The following ESPL1 variants were observed in gnomAD, a reference collection of about 807,000 sequenced individuals.
The protein encoded by ESPL1 is separin.
ESPL1 carries 50 observed loss-of-function variants against 217.2 expected under a neutral mutation model. The ratio of observed to expected loss-of-function variants is 0.23; its 90% confidence interval spans 0.18 to 0.29. The LOEUF (loss-of-function observed/expected upper bound fraction) is 0.29. Ranked by LOEUF, ESPL1 falls within the 10% of genes least tolerant of loss-of-function variation. ESPL1 has a pLI of 1.00. For synonymous variants in ESPL1, 994 were observed against 1,081.3 expected (o/e 0.92, Z 1.58); for missense variants, 1,834 against 2,603.0 (o/e 0.70, Z 6.43).
chr12:53,270,710 G>A lies in ESPL1; in HGVS notation c.1281G>A (p.Val427=), dbSNP rs141048890. The A allele has an allele frequency of 1.2e-5, 19 of 1,613,974 alleles. No individual in the cohort carries two copies. Among genetic ancestry groups the A allele is most frequent in the Non-Finnish European group, 1.6e-5 (19 of 1,180,010 alleles). Residue 427 remains valine (V), a synonymous_variant, in exon 5 of 31, where the codon GTG becomes GTA. Coordinates refer to ENST00000257934, the MANE Select transcript of ESPL1 (RefSeq NM_012291.5). The part of the protein sequence containing the change: ...IVDLADLTQL[V]DSCKSTVVWM... The stretch of plus-strand genomic sequence containing the variant: ...ATTTGGCTGACCTGACCCAACTAGT[G>A]GACAGTTGTAAATCTACCGTTGTCT...
Position 53,277,314 on chromosome 12 carries a change from T to C in ESPL1, c.2085+87T>C, listed in dbSNP as rs193094831. 1.4e-4 allele frequency: 216 copies of C among 1,515,834 alleles called. No individual in the cohort carries two copies. The East Asian group carries it at 3.6e-3, about 25-fold the overall frequency. The allele number at this position is 1,515,834 out of a possible 1,614,324, so 93.9% of individuals were successfully genotyped here. ...CCAACAAGTTGGTATCAGCCCTTTT[T>C]TTTGTTCGTTATTTTTAGAGATGGG... On this transcript the variant is annotated intron_variant, in intron 9 of 30. Coordinates refer to ENST00000257934, the MANE Select transcript of ESPL1 (RefSeq NM_012291.5).
chr12:53,268,684 C>T, intron 1 of ESPL1, 71 bp from the exon 2 acceptor site: 1 of 898,884 alleles, frequency 1.1e-6, no homozygotes, highest in Non-Finnish European at 1.7e-6. Context: ...CCTTCCACGA[C>T]CTTCAGCCCT....
At chr12:53,272,011 C>A (rs561131911) in intron 5 of ESPL1, among the ~76,000 whole-genome samples, 2 of 150,342 alleles carry the variant, frequency 1.3e-5, no homozygotes, top group African/African-American at 2.5e-5. Context: ...GGTGTGAACC[C>A]GGGAGGTGGA....
Position 53,289,492 on chromosome 12 carries a change from G to A in ESPL1, c.5011G>A (p.Ala1671Thr). The A allele has an allele frequency of 6.2e-7, 1 of 1,614,152 alleles. No homozygotes were observed. The highest frequency in any genetic ancestry group is 1.1e-5 in the South Asian group (1 of 91,078). Residue 1671 changes from alanine to threonine, a missense_variant, in exon 22 of 31, where the codon GCC becomes ACC. Ala to Thr is a moderately conservative substitution (Grantham distance 58). This residue lies in a region of ESPL1 where 681 missense variants were observed against 808.0 expected (regional missense o/e 0.84). Transcript: ENST00000257934. Reference sequence around the variant, plus strand: ...GGAGATGCCTGGAGATGTCCCCCTGGCCCGCATCCAGCGCCTCTTTTCCTT... The same window carrying A: ...GGAGATGCCTGGAGATGTCCCCCTGACCCGCATCCAGCGCCTCTTTTCCTT... ...LQEMPGDVPL[A>T]RIQRLFSFRA...
Position 53,276,700 on chromosome 12 carries a change from C to T in ESPL1, c.1781C>T (p.Ala594Val), listed in dbSNP as rs753191986. Residue 594 changes from alanine (A) to valine (V), a missense_variant, in exon 8 of 31, where the codon GCG (alanine) becomes GTG (valine). Around this residue, in one of 5 missense-constraint regions of ESPL1, gnomAD observed 746 missense variants for 1,077.0 expected, o/e 0.69. Coordinates refer to ENST00000257934, the MANE Select transcript of ESPL1 (RefSeq NM_012291.5). ...AGGGAGGAGCTGCAGGCCTACAAGG[C>T]GGTGCGGGCCGACACTGGACAGGAA... is the stretch of plus-strand genomic sequence containing the variant. The part of the protein sequence containing the change: ...LLREELQAYK[A>V]VRADTGQERF... 17 of 1,613,082 alleles carry T rather than the reference C, an allele frequency of 1.1e-5. No homozygotes were observed. In the Admixed American group the frequency reaches 1.2e-4, roughly 11 times the overall value.
At chr12:53,272,596 G>T in intron 5 of ESPL1, 125 bp from the exon 6 acceptor site, 1 of 1,081,206 alleles carries the variant, frequency 9.2e-7, no homozygotes, top group Non-Finnish European at 1.3e-6. Context: ...CTAGCAGTAG[G>T]GGTTCCTGTC....
intron 24 of ESPL1, 137 bp from the exon 25 acceptor site, chr12:53,290,704 A>G (rs1337504836): frequency 4.1e-4 from 4 of 9,834 alleles, no homozygotes; most frequent in Admixed American, 1.9e-3. Context: ...AAACCCAACT[A>G]TCAGCTTCCC....
intron 17 of ESPL1, among the ~76,000 whole-genome samples, chr12:53,284,750 A>C (rs1018525922): frequency 1.3e-5 from 2 of 151,552 alleles, no homozygotes; most frequent in East Asian, 2.0e-4. Context: ...TCGGTGGCTC[A>C]TGCCTGTAAT....
intron 12 of ESPL1, among the ~76,000 whole-genome samples, chr12:53,281,294 CA>C (rs1427680372): frequency 2.0e-5 from 3 of 151,936 alleles, no homozygotes; most frequent in African/African-American, 7.2e-5. Context: ...CGTGCCACCA[CA>C]CCTGGCTAAT....
chr12:53,285,886 C>T (rs1290213198), intron 17 of ESPL1, 38 bp from the exon 18 acceptor site: 2 of 1,504,054 alleles, frequency 1.3e-6, no homozygotes, highest in South Asian at 2.7e-5. Context: ...GATGCCATTT[C>T]TCCCCGTTTT....
chr12:53,288,541 G>A lies in ESPL1; in HGVS notation c.4550G>A (p.Gly1517Glu). ...GSDGEDSASG[G>E]KTPAPGPEAA... Reference sequence around the variant, plus strand: ...AAAAGGCCTGCTCTCTCCCCAGGTGGGAAGACTCCAGCTCCGGGCCCTGAG... The same window carrying A: ...AAAAGGCCTGCTCTCTCCCCAGGTGAGAAGACTCCAGCTCCGGGCCCTGAG... Residue 1517 changes from glycine to glutamate, a missense_variant, in exon 20 of 31, where the codon GGG becomes GAG. Around this residue, in one of 5 missense-constraint regions of ESPL1, gnomAD observed 681 missense variants for 808.0 expected, o/e 0.84. Coordinates refer to ENST00000257934, the MANE Select transcript of ESPL1 (RefSeq NM_012291.5). 1 of 1,609,690 alleles carries A rather than the reference G, an allele frequency of 6.2e-7. No individual in the cohort carries two copies. The highest frequency in any genetic ancestry group is 2.2e-5 in the East Asian group (1 of 44,866).
At chr12:53,284,592 C>T (rs1351372238) in intron 17 of ESPL1, among the ~76,000 whole-genome samples, 1 of 152,022 alleles carries the variant, frequency 6.6e-6, no homozygotes, top group African/African-American at 2.4e-5. Flanking sequence ...ACTTCTGGTC[C>T]CAGGGCAACA....
rs1344439894 is a variant in ESPL1, at chr12:53,292,124, C to T, written c.5796+36C>T. The T allele has an allele frequency of 3.2e-6, 5 of 1,543,572 alleles. No individual in the cohort carries two copies. The highest frequency in any genetic ancestry group is 1.7e-4 in the Middle Eastern group (1 of 5,954). ...GGGCGTAGTGTCTGGGGATGACTGGCGACTGGGGAAGACGTCAACAAAGAA... is the reference window on the plus strand; with the variant it reads ...GGGCGTAGTGTCTGGGGATGACTGGTGACTGGGGAAGACGTCAACAAAGAA... On this transcript the variant is annotated intron_variant, in intron 27 of 30. Transcript: ENST00000257934. This position sits in a 1 kb window ranked among gnomAD's most constrained non-coding sequence, Gnocchi z 4.5.
rs187544204 is a variant in ESPL1, at chr12:53,292,431, G to A, written c.5912+38G>A. Reference sequence around the variant, plus strand: ...AAGACAAGAAGACGTGTGGGGAAGGGTAGACAACATACAGGGGCAACAAGC... The same window carrying A: ...AAGACAAGAAGACGTGTGGGGAAGGATAGACAACATACAGGGGCAACAAGC... On this transcript the variant is annotated intron_variant, in intron 28 of 30. Coordinates refer to ENST00000257934, the MANE Select transcript of ESPL1 (RefSeq NM_012291.5). This position sits in a 1 kb window ranked among gnomAD's most constrained non-coding sequence, Gnocchi z 4.5. 72 of 1,498,614 alleles carry A rather than the reference G, an allele frequency of 4.8e-5. No individual in the cohort carries two copies. In the Admixed American group the frequency reaches 8.9e-4, roughly 18 times the overall value. 92.8% of individuals were successfully genotyped at this position (1,498,614 alleles called of 1,614,324 possible).
Position 53,282,487 on chromosome 12 carries a change from G to A in ESPL1, c.2791+52G>A, listed in dbSNP as rs375270660. On this transcript the variant is annotated intron_variant, in intron 14 of 30. Transcript: ENST00000257934. This position sits in a 1 kb window ranked among gnomAD's most constrained non-coding sequence, Gnocchi z 4.0. ...CTTGGATGACATGTATGGTCTGTCTGCTGTCAGCTCTTCTCAAACCTCATC... is the reference window on the plus strand; with the variant it reads ...CTTGGATGACATGTATGGTCTGTCTACTGTCAGCTCTTCTCAAACCTCATC... 4.5e-6 allele frequency: 7 copies of A among 1,542,958 alleles called. No individual in the cohort carries two copies. Among genetic ancestry groups the A allele is most frequent in the Admixed American group, 3.5e-5 (2 of 57,362 alleles).
chr12:53,280,059 C>A (rs572409032), intron 12 of ESPL1, among the ~76,000 whole-genome samples, 193 bp downstream of exon 12: 3 of 152,290 alleles, frequency 2.0e-5, no homozygotes, highest in Admixed American at 2.0e-4. Flanking sequence ...TCCTGCAAAA[C>A]CAGTTGTTCA....
rs1177020959 is a variant in ESPL1, at chr12:53,293,050, T to C, written c.6161+80T>C. 3 of 1,384,490 alleles carry C rather than the reference T, an allele frequency of 2.2e-6. No homozygotes were observed. The highest frequency in any genetic ancestry group is 2.8e-5 in the African/African-American group (2 of 70,270). 85.8% of individuals were successfully genotyped at this position (1,384,490 alleles called of 1,614,324 possible). On this transcript the variant is annotated intron_variant, in intron 30 of 30. Transcript: ENST00000257934. This position sits in a 1 kb window ranked among gnomAD's most constrained non-coding sequence, Gnocchi z 4.2. The stretch of plus-strand genomic sequence containing the variant: ...CCAGGTTCTTTCCCAGGTCTGAATC[T>C]TGCCTCTCTTGTGCCCCATTTTCCT...
At chr12:53,285,220 T>C (rs1015223524) in intron 17 of ESPL1, among the ~76,000 whole-genome samples, 1 of 152,156 alleles carries the variant, frequency 6.6e-6, no homozygotes, top group Non-Finnish European at 1.5e-5. Flanking sequence ...CATATACTTC[T>C]AGTACTTCAT....
At position 53,286,139 on chromosome 12, in the gene ESPL1, C is replaced by T. The variant is rs752921416; in HGVS notation, c.3403C>T (p.Pro1135Ser). Residue 1135 changes from proline (P) to serine (S), a missense_variant, in exon 18 of 31, where the codon CCC becomes TCC. Coordinates refer to ENST00000257934, the MANE Select transcript of ESPL1 (RefSeq NM_012291.5). This position sits in a 1 kb window ranked among gnomAD's most constrained non-coding sequence, Gnocchi z 5.3. ...SSPVLKTKPQ[P>S]IPNFLSHSPT... The stretch of plus-strand genomic sequence containing the variant: ...CCCAGTCTTGAAAACCAAGCCCCAG[C>T]CCATACCCAACTTCCTGTCCCATTC... 1 of 1,614,214 alleles carries T rather than the reference C, an allele frequency of 6.2e-7. No individual in the cohort carries two copies. Among genetic ancestry groups the T allele is most frequent in the Non-Finnish European group, 8.5e-7 (1 of 1,180,026 alleles).
Sources: gnomAD v4.1 joint callset for allele counts (sites outside exome capture counted in the v4.1 genomes callset) on GRCh38, gnomAD v4.1.1 for gene constraint, gnomAD v4.1.1 regional missense constraint, Gnocchi (gnomAD v3.1) non-coding constraint, MANE v1.5 for transcripts, NCBI Gene and HGNC (gene_info 2026-07-23, HGNC 2026-07-21) for gene names.